TTN: variants seen among roughly 807,000 people sequenced by gnomAD.
The protein encoded by TTN is titin, also known as connectin.
Under a neutral mutation model 3,223.0 loss-of-function variants are expected in TTN, and 1,525 were observed. That is an observed-to-expected ratio of 0.47 (90% CI 0.45 to 0.49). The LOEUF (loss-of-function observed/expected upper bound fraction) is 0.49. Ranked by LOEUF, TTN falls within the 20% of genes least tolerant of loss-of-function variation. TTN has a pLI of 0.00. For synonymous variants in TTN, 14,094 were observed against 15,161.0 expected, an observed-to-expected ratio of 0.93 and a Z score of 5.17; for missense variants, 40,786 against 43,424.0, an observed-to-expected ratio of 0.94 and a Z score of 5.40.
In TTN at chr2:178,722,644, G is replaced by T; in HGVS notation, c.22240+15C>A. On this transcript the variant is annotated intron_variant, in intron 76 of 362. Coordinates refer to ENST00000589042, the MANE Select transcript of TTN (RefSeq NM_001267550.2). ...AAGGAAAAAAGAATTTTTTTAATTTGTAAAATATCATCACCTTGAATTCTG... is the reference window on the plus strand; with the variant it reads ...AAGGAAAAAAGAATTTTTTTAATTTTTAAAATATCATCACCTTGAATTCTG... The T allele has an allele frequency of 6.3e-7, 1 of 1,592,632 alleles. No individual in the cohort carries two copies.
chr2:178,764,080 TGA>T (rs1157257723), intron 43 of TTN, 95 bp downstream of exon 43: 2 of 1,525,730 alleles, frequency 1.3e-6, no homozygotes, highest in African/African-American at 1.4e-5. Flanking sequence ...AAATTATGCA[TGA>T]GAGATGTTTG....
chr2:178,538,759 A>ATTCAGGTT lies in TTN; in HGVS notation c.99062_99069dup (p.Cys33024AsnfsTer40). ...CCAAGAATTTCTTTACCACCATCAC[A>ATTCAGGTT]TTCAGGTTTCTCCCACTGTAGAGTG... On this transcript the variant is annotated frameshift_variant, in exon 354 of 363. Transcript: ENST00000589042. LOFTEE classifies it high-confidence loss of function. 6.2e-7 allele frequency: 1 copy of ATTCAGGTT among 1,613,686 alleles called. No homozygotes were observed. Among genetic ancestry groups the ATTCAGGTT allele is most frequent in the Non-Finnish European group, 8.5e-7 (1 of 1,179,718 alleles).
intron 211 of TTN, 92 bp from the exon 212 acceptor site, chr2:178,649,723 A>G: frequency 6.5e-7 from 1 of 1,543,792 alleles, no homozygotes; most frequent in Non-Finnish European, 8.9e-7. Flanking sequence ...TATAGGTAAG[A>G]GTTAACAAAC....
chr2:178,571,705 TG>T lies in TTN; in HGVS notation c.74426del (p.Pro24809GlnfsTer13). 6.2e-7 allele frequency: 1 copy of T among 1,613,534 alleles called. No homozygotes were observed. The highest frequency in any genetic ancestry group is 8.5e-7 in the Non-Finnish European group (1 of 1,179,614). Reference sequence around the variant, plus strand: ...TTTTAACTGGTCCAGTTGGAGGCCCTGGTTTGTCAAGAACGATAACATTAAG... The same window carrying T: ...TTTTAACTGGTCCAGTTGGAGGCCCTGTTTGTCAAGAACGATAACATTAAG... ...ETLNVIVLDK[P>X]GPPTGPVKMD... On this transcript the variant is annotated frameshift_variant, in exon 326 of 363. Coordinates refer to ENST00000589042, the MANE Select transcript of TTN (RefSeq NM_001267550.2). LOFTEE classifies it high-confidence loss of function.
In TTN at chr2:178,532,323, G is replaced by A; in HGVS notation, c.104292C>T (p.Ile34764=). ...AYRQPKQRQR[I]MAEREDEELL... ...ACTCTTCATCCTCCCTCTCAGCCAT[G>A]ATTCTTTGCCGTTGCTTTGGCTGTC... is the stretch of plus-strand genomic sequence containing the variant. The change falls in exon 358 of 363, where the codon ATC becomes ATT. Residue 34764 remains isoleucine (I), a synonymous_variant. Coordinates refer to ENST00000589042, the MANE Select transcript of TTN (RefSeq NM_001267550.2). 1 of 1,614,012 alleles carries A rather than the reference G, an allele frequency of 6.2e-7. No individual in the cohort carries two copies. The highest frequency in any genetic ancestry group is 8.5e-7 in the Non-Finnish European group (1 of 1,179,884).
In TTN at chr2:178,588,009, G is replaced by A. The variant is rs1576043145; in HGVS notation, c.63398C>T (p.Thr21133Ile). ...AQLVRKEFTV[T>I]SLDENQEYEF... ...ATATTCCTGGTTTTCATCCAAGCTG[G>A]TAACAGTGAATTCCTTGCGTACAAG... is the stretch of plus-strand genomic sequence containing the variant. The change falls in exon 305 of 363, where the codon ACC becomes ATC. Residue 21133 changes from threonine to isoleucine, a missense_variant. Coordinates refer to ENST00000589042, the MANE Select transcript of TTN (RefSeq NM_001267550.2). The A allele has an allele frequency of 1.2e-6, 2 of 1,612,824 alleles. No homozygotes were observed. Among genetic ancestry groups the A allele is most frequent in the Non-Finnish European group, 8.5e-7 (1 of 1,179,342 alleles).
intron 43 of TTN, among the ~76,000 whole-genome samples, 190 bp downstream of exon 43, chr2:178,763,987 G>C (rs1434178846): frequency 1.3e-5 from 2 of 151,898 alleles, no homozygotes; most frequent in Non-Finnish European, 2.9e-5. Context: ...CCATTATTAA[G>C]GGCACAAAAT....
intron 40 of TTN, among the ~76,000 whole-genome samples, chr2:178,767,406 A>G (rs4894044): frequency 0.82 from 124,795 of 152,266 alleles, 51,651 homozygotes; most frequent in Middle Eastern, 0.87. Flanking sequence ...CTGAGAAAAT[A>G]TCACCTTGTT....
chr2:178,636,424 G>C lies in TTN; in HGVS notation c.41303C>G (p.Thr13768Ser). The change falls in exon 225 of 363, where the codon ACC becomes AGC. Residue 13768 changes from threonine (T) to serine (S), a missense_variant. Coordinates refer to ENST00000589042, the MANE Select transcript of TTN (RefSeq NM_001267550.2). The surrounding 1 kb of genome is among the most constrained non-coding windows in gnomAD (Gnocchi z 4.3). The part of the protein sequence containing the change: ...CVLRLGNKEK[T>S]STAKLVVEEL... ...TTCTACAACAAGTTTAGCCGTGGAGGTCTTTTCTTTGTTTCCCAAACGTAA... is the reference window on the plus strand; with the variant it reads ...TTCTACAACAAGTTTAGCCGTGGAGCTCTTTTCTTTGTTTCCCAAACGTAA... 6.2e-7 allele frequency: 1 copy of C among 1,610,398 alleles called. No individual in the cohort carries two copies. Among genetic ancestry groups the C allele is most frequent in the Non-Finnish European group, 8.5e-7 (1 of 1,177,856 alleles).
chr2:178,731,508 A>C lies in TTN; in HGVS notation c.17258T>G (p.Leu5753Arg). The change falls in exon 59 of 363, where the codon CTG (leucine) becomes CGG (arginine). Residue 5753 changes from leucine to arginine, a missense_variant. Leu to Arg is a moderately radical substitution (Grantham distance 102). Coordinates refer to ENST00000589042, the MANE Select transcript of TTN (RefSeq NM_001267550.2). ...CACCGTAATTGGCAAGGAGCCCTTC[A>C]GAGTGGCCTGGAAGGCAGCTGTGCC... is the stretch of plus-strand genomic sequence containing the variant. ...RGGTAAFQATLKGSLPITVTW... is the reference protein window; with the variant it reads ...RGGTAAFQATRKGSLPITVTW... 1 of 1,613,556 alleles carries C rather than the reference A, an allele frequency of 6.2e-7. No individual in the cohort carries two copies. The highest frequency in any genetic ancestry group is 8.5e-7 in the Non-Finnish European group (1 of 1,179,694).
chr2:178,649,663 A>G (rs1346061660), intron 211 of TTN, 32 bp from the exon 212 acceptor site: 1 of 1,550,592 alleles, frequency 6.4e-7, no homozygotes, highest in East Asian at 2.4e-5. Flanking sequence ...TTAATAATAC[A>G]AAGTTGTGAG....
chr2:178,650,716 G>A, intron 209 of TTN, 35 bp downstream of exon 209: 6 of 1,537,208 alleles, frequency 3.9e-6, no homozygotes, highest in Non-Finnish European at 5.3e-6. Context: ...ATAGTCGCAA[G>A]TGGCAAGGTC....
intron 3 of TTN, among the ~76,000 whole-genome samples, 187 bp from the exon 4 acceptor site, chr2:178,800,869 C>T (rs577579413): frequency 6.6e-6 from 1 of 152,336 alleles, no homozygotes; most frequent in South Asian, 2.1e-4. Context: ...TTACAGAAGG[C>T]TTTCTCACCA....
At chr2:178,803,214 C>A (rs141092510) in intron 2 of TTN, among the ~76,000 whole-genome samples, 240 of 152,164 alleles carry the variant, frequency 1.6e-3, no homozygotes, top group African/African-American at 5.2e-3. Context: ...CCCACTATGG[C>A]CAATTAAATA....
intron 145 of TTN, 49 bp downstream of exon 145, chr2:178,678,076 C>T (rs1020816518): frequency 6.3e-7 from 1 of 1,581,376 alleles, no homozygotes; most frequent in Non-Finnish European, 8.6e-7. Context: ...GGCTGTATAA[C>T]ACCAGTTAGT....
intron 126 of TTN, among the ~76,000 whole-genome samples, 170 bp from the exon 127 acceptor site, chr2:178,688,394 A>G (rs2071427117): frequency 6.6e-6 from 1 of 152,246 alleles, no homozygotes; most frequent in Non-Finnish European, 1.5e-5. Context: ...GGGCAAGTAC[A>G]GCCCAAGACT....
chr2:178,738,810 C>T (rs2154317151), intron 48 of TTN, among the ~76,000 whole-genome samples: 1 of 152,158 alleles, frequency 6.6e-6, no homozygotes, highest in Admixed American at 6.5e-5. Context: ...TTCAGAGTGG[C>T]TAGGTGTTCA....
At position 178,593,801 on chromosome 2, in the gene TTN, G is replaced by A. The variant is rs1465284889; in HGVS notation, c.58499C>T (p.Ser19500Phe). Residue 19500 changes from serine (S) to phenylalanine (F), a missense_variant, in exon 298 of 363, where the codon TCT becomes TTT. Transcript: ENST00000589042. ...TCCATCATCTAAAGGAGGCTTCCAA[G>A]AGATAACCATGTAATCTTTGGTCAC... ...DEVTKDYMVI[S>F]WKPPLDDGGS... 6.2e-7 allele frequency: 1 copy of A among 1,612,962 alleles called. No individual in the cohort carries two copies. Among genetic ancestry groups the A allele is most frequent in the Admixed American group, 1.7e-5 (1 of 59,908 alleles).
rs1442347985 is a variant in TTN at position 178,740,611 on chromosome 2, C to T, written c.12622G>A (p.Glu4208Lys). 1 of 1,613,772 alleles carries T rather than the reference C, an allele frequency of 6.2e-7. No individual in the cohort carries two copies. The highest frequency in any genetic ancestry group is 8.5e-7 in the Non-Finnish European group (1 of 1,179,798). The change falls in exon 48 of 363, where the codon GAA becomes AAA. Residue 4208 changes from glutamate to lysine, a missense_variant. Coordinates refer to ENST00000589042, the MANE Select transcript of TTN (RefSeq NM_001267550.2). ...GACTGTGGATAATTCCCTTCAGGTT[C>T]AGCTAATAAAGTTTTCAGAGGCTCA... ...TVEPLKTLLAEPEGNYPQSSI... is the reference protein window; with the variant it reads ...TVEPLKTLLAKPEGNYPQSSI...
Sources: gnomAD v4.1 joint callset for allele counts (sites outside exome capture counted in the v4.1 genomes callset) on GRCh38, gnomAD v4.1.1 for gene constraint, Gnocchi (gnomAD v3.1) non-coding constraint, MANE v1.5 for transcripts, NCBI Gene and HGNC (gene_info 2026-07-23, HGNC 2026-07-21) for gene names.